EIF3A: variants seen among roughly 807,000 people sequenced by gnomAD.
The protein encoded by EIF3A is eukaryotic translation initiation factor 3 subunit A, also known as EIF3, p180 subunit.
Under a neutral mutation model 186.6 loss-of-function variants are expected in EIF3A, and 21 were observed. That is an observed-to-expected ratio of 0.11 (90% CI 0.08 to 0.16). The LOEUF (loss-of-function observed/expected upper bound fraction) is 0.16, where lower values mean the gene tolerates loss of function less well. Ranked by LOEUF, EIF3A falls within the 10% of genes least tolerant of loss-of-function variation. EIF3A has a pLI of 1.00. For missense variants in EIF3A, 1,306 were observed against 1,796.3 expected (o/e 0.73, Z 4.93); for synonymous variants, 563 against 584.3 (o/e 0.96, Z 0.52).
intron 12 of EIF3A, 78 bp from the exon 13 acceptor site, chr10:119,057,118 T>C (rs1316611943): frequency 1.3e-5 from 10 of 790,468 alleles, no homozygotes; most frequent in South Asian, 9.8e-5. Flanking sequence ...CTTTCTAGAA[T>C]AAAATCCTAC....
rs1249974592 is a variant in EIF3A, at chr10:119,050,592, T to C, written c.2402A>G (p.Glu801Gly). 4 of 1,613,978 alleles carry C rather than the reference T, an allele frequency of 2.5e-6. No individual in the cohort carries two copies. In the African/African-American group the frequency reaches 5.3e-5, roughly 22 times the overall value. ...LEERKRQRKE[E>G]RRITYYREKE... ...TTCTCTATAGTATGTTATCCTGCGT[T>C]CTTCTTTACGCTGCCTTTTCCGTTC... Residue 801 changes from glutamate to glycine, a missense_variant, in exon 16 of 22, where the codon GAA (glutamate) becomes GGA (glycine). Physicochemically the swap from Glu to Gly is moderately conservative, Grantham distance 98 (BLOSUM62 -2). Around this residue, in one of 8 missense-constraint regions of EIF3A, gnomAD observed 410 missense variants for 473.5 expected, o/e 0.87. Transcript: ENST00000369144.
In EIF3A at chr10:119,038,262, C is replaced by T. The variant is rs372153021; in HGVS notation, c.3704G>A (p.Arg1235Gln). Residue 1235 changes from arginine to glutamine, a missense_variant, in exon 20 of 22, where the codon CGA (arginine) becomes CAA (glutamine). Physicochemically the swap from Arg to Gln is conservative, Grantham distance 43 (BLOSUM62 1). This residue lies in a region of EIF3A where 331 missense variants were observed against 365.8 expected (regional missense o/e 0.90). Coordinates refer to ENST00000369144, the MANE Select transcript of EIF3A (RefSeq NM_003750.4). ...RERDRERDVD[R>Q]EDRFRRPRDE... ...CCTAGGTCTTCTGAAGCGATCCTCT[C>T]GATCCACATCTCTCTCTCTGTCCCT... 28 of 1,613,912 alleles carry T rather than the reference C, an allele frequency of 1.7e-5. No homozygotes were observed. The highest frequency in any genetic ancestry group is 2.3e-5 in the Non-Finnish European group (27 of 1,179,988).
rs552629199 is a variant in EIF3A, at chr10:119,065,892, A to G, written c.951-322T>C. Among the ~76,000 whole-genome samples the G allele has an allele frequency of 9.5e-3, 1,423 of 150,404 alleles. 21 individuals carry two copies. Among genetic ancestry groups the G allele is most frequent in the African/African-American group, 0.031 (1,287 of 40,988 alleles). ...AGCACTTTGGGAGGCCAAGGGGGGC[A>G]CATCACGACGTCAAGAGATCGAGAC... On this transcript the variant is annotated intron_variant, in intron 6 of 21. Transcript: ENST00000369144.
chr10:119,061,525 A>C (rs976133194), intron 7 of EIF3A, among the ~76,000 whole-genome samples, 197 bp from the exon 8 acceptor site: 2 of 152,042 alleles, frequency 1.3e-5, no homozygotes, highest in Non-Finnish European at 2.9e-5. Flanking sequence ...ATGCACATTA[A>C]CCTACCGTGA....
At chr10:119,066,314 G>T (rs1012307250) in intron 6 of EIF3A, among the ~76,000 whole-genome samples, 1 of 150,958 alleles carries the variant, frequency 6.6e-6, no homozygotes, top group Non-Finnish European at 1.5e-5. Context: ...TTCCAGACCA[G>T]CCTGGACAAC....
rs200178082 is a variant in EIF3A at position 119,037,071 on chromosome 10, C to G, written c.3919+48G>C. The G allele has an allele frequency of 2.8e-4, 276 of 973,286 alleles. 8 individuals are homozygous for G. The highest frequency in any genetic ancestry group is 2.2e-3 in the African/African-American group (135 of 61,710). The allele number at this position is 973,286 out of a possible 1,614,324, so 60.3% of individuals were successfully genotyped here. ...TTAAATAACCCAAATCCCCCCCCCC[C>G]CAGAAACGACAGTTCTCCAATACTT... On this transcript the variant is annotated intron_variant, in intron 21 of 21. Transcript: ENST00000369144.
chr10:119,059,698 G>A lies in EIF3A; in HGVS notation c.1347C>T (p.Ser449=), dbSNP rs771371286. ...AAGAAGTCAAACGAGAAAACTCAAT[G>A]CTCTGATAAATCTGTGACACCTGCA... ...LLQQVSQIYQ[S]IEFSRLTSLV... Residue 449 remains serine, a synonymous_variant, in exon 10 of 22, where the codon AGC becomes AGT. Coordinates refer to ENST00000369144, the MANE Select transcript of EIF3A (RefSeq NM_003750.4). 6.2e-7 allele frequency: 1 copy of A among 1,613,498 alleles called. No homozygotes were observed. The highest frequency in any genetic ancestry group is 1.1e-5 in the South Asian group (1 of 91,054).
chr10:119,080,160 C>A (rs1306134932), intron 1 of EIF3A, among the ~76,000 whole-genome samples: 3 of 152,182 alleles, frequency 2.0e-5, no homozygotes, highest in Non-Finnish European at 4.4e-5. Flanking sequence ...CCGTAGGGCT[C>A]CCGGCCCGGG....
At chr10:119,049,756 A>G (rs1564751593) in intron 17 of EIF3A, 45 bp downstream of exon 17, 8 of 1,554,606 alleles carry the variant, frequency 5.1e-6, no homozygotes, top group Non-Finnish European at 5.2e-6. Flanking sequence ...CCAAAAAAAA[A>G]AAGTCACATT....
chr10:119,038,701 A>G (rs1366311140), intron 19 of EIF3A, among the ~76,000 whole-genome samples: 1 of 152,166 alleles, frequency 6.6e-6, no homozygotes, highest in Non-Finnish European at 1.5e-5. Flanking sequence ...AGCCAGGTGG[A>G]TCACTTAAGG....
rs746446445 is a variant in EIF3A, at chr10:119,070,980, G to A, written c.647C>T (p.Thr216Met). 13 of 1,613,490 alleles carry A rather than the reference G, an allele frequency of 8.1e-6. No individual in the cohort carries two copies. The highest frequency in any genetic ancestry group is 1.3e-5 in the African/African-American group (1 of 74,910). ...CTCTGGATTATTAAGATTGATTGCC[G>A]TACTTTGGTTATGGTGGCGCTGAAT... ...SQIQRHHNQS[T>M]AINLNNPESQ... The change falls in exon 5 of 22, where the codon ACG (threonine) becomes ATG (methionine). Residue 216 changes from threonine to methionine, a missense_variant. Transcript: ENST00000369144.
At chr10:119,052,368 T>TTGTGTGTGTG (rs61029991) in intron 14 of EIF3A, among the ~76,000 whole-genome samples, 1,279 of 123,022 alleles carry the variant, frequency 0.01, 41 homozygotes, top group South Asian at 0.037. Flanking sequence ...TTTTTTGGTT[T>TTGTGTGTGTG]TGTGTGTGTG....
chr10:119,057,828 A>G (rs1176254714), intron 12 of EIF3A, 128 bp downstream of exon 12: 1 of 708,646 alleles, frequency 1.4e-6, no homozygotes, highest in Non-Finnish European at 2.4e-6. Flanking sequence ...TCACAGATTT[A>G]GTCATGACCA....
rs757829140 is a variant in EIF3A at position 119,058,234 on chromosome 10, G to A, written c.1699C>T (p.Arg567Trp). 2.3e-5 allele frequency: 37 copies of A among 1,612,696 alleles called. No homozygotes were observed. Among genetic ancestry groups the A allele is most frequent in the East Asian group, 4.5e-5 (2 of 44,882 alleles). The stretch of plus-strand genomic sequence containing the variant: ...ATTGTCTGGCGGCGAGCCAGGATCC[G>A]CTGGTGCTCTTTTCGTGAATTTTTA... The part of the protein sequence containing the change: ...YLKNSRKEHQ[R>W]ILARRQTIEE... Residue 567 changes from arginine to tryptophan, a missense_variant, in exon 12 of 22, where the codon CGG (arginine) becomes TGG (tryptophan). Coordinates refer to ENST00000369144, the MANE Select transcript of EIF3A (RefSeq NM_003750.4).
At chr10:119,064,074 G>A (rs1843932050) in intron 7 of EIF3A, among the ~76,000 whole-genome samples, 1 of 151,986 alleles carries the variant, frequency 6.6e-6, no homozygotes. Context: ...GCTAGACCCT[G>A]TCTCAAAAAA....
chr10:119,059,792 G>T, intron 9 of EIF3A, 74 bp from the exon 10 acceptor site: 1 of 941,024 alleles, frequency 1.1e-6, no homozygotes, highest in Non-Finnish European at 1.7e-6. Flanking sequence ...TCTCATGACA[G>T]TCATGGGAAG....
chr10:119,045,950 A>C (rs1471817579), intron 17 of EIF3A, among the ~76,000 whole-genome samples: 2 of 152,200 alleles, frequency 1.3e-5, no homozygotes, highest in African/African-American at 4.8e-5. Context: ...CAAACAAACA[A>C]AGAGATGAAG....
At chr10:119,059,772 T>C in intron 9 of EIF3A, 54 bp from the exon 10 acceptor site, 1 of 1,126,878 alleles carries the variant, frequency 8.9e-7, no homozygotes, top group South Asian at 1.2e-5. Flanking sequence ...TCAGCACTTT[T>C]TATGTGCAAT....
intron 19 of EIF3A, among the ~76,000 whole-genome samples, chr10:119,041,082 G>A: frequency 6.6e-6 from 1 of 151,878 alleles, no homozygotes; most frequent in Non-Finnish European, 1.5e-5. Context: ...GGAAGCTGAG[G>A]CAGGAGAATT....
Sources: gnomAD v4.1 joint callset for allele counts (sites outside exome capture counted in the v4.1 genomes callset) on GRCh38, gnomAD v4.1.1 for gene constraint, gnomAD v4.1.1 regional missense constraint, MANE v1.5 for transcripts, NCBI Gene and HGNC (gene_info 2026-07-23, HGNC 2026-07-21) for gene names.